The following STXBP5L variants were observed in gnomAD, a reference collection of about 807,000 sequenced individuals.
STXBP5L encodes syntaxin-binding protein 5-like.
STXBP5L carries 65 observed loss-of-function variants against 144.5 expected under a neutral mutation model. The ratio of observed to expected loss-of-function variants is 0.45; its 90% CI spans 0.37 to 0.55. The LOEUF is 0.55. Among genes scored for constraint, STXBP5L ranks in the 20% least tolerant of loss-of-function variants. STXBP5L has a pLI of 0.00. For synonymous variants in STXBP5L, 505 were observed against 469.6 expected (o/e 1.08, Z -0.97); for missense variants, 1,298 against 1,405.5 (o/e 0.92, Z 1.22).
chr3:121,210,911 C>G (rs113415162), intron 10 of STXBP5L, among the ~76,000 whole-genome samples: 59 of 152,118 alleles, frequency 3.9e-4, no homozygotes, highest in African/African-American at 1.4e-3. Context: ...CTTGGCAATA[C>G]GGGACCTTTT....
intron 9 of STXBP5L, among the ~76,000 whole-genome samples, chr3:121,174,439 A>G (rs950043706): frequency 1.3e-5 from 2 of 152,070 alleles, no homozygotes; most frequent in Non-Finnish European, 2.9e-5. Flanking sequence ...AACTTCCAAT[A>G]TACTTATAGA....
intron 19 of STXBP5L, among the ~76,000 whole-genome samples, chr3:121,311,193 C>T (rs375872490): frequency 6.6e-6 from 1 of 152,168 alleles, no homozygotes; most frequent in East Asian, 1.9e-4. Flanking sequence ...ACCAGAAGGA[C>T]TAAGATTTTA....
At chr3:120,947,292 A>G (rs753308671) in intron 2 of STXBP5L, among the ~76,000 whole-genome samples, 1 of 151,854 alleles carries the variant, frequency 6.6e-6, no homozygotes, top group Non-Finnish European at 1.5e-5. Context: ...ACTCTGTTCT[A>G]CATTTTCTTT....
chr3:121,299,319 C>T (rs908114116), intron 19 of STXBP5L, among the ~76,000 whole-genome samples: 1 of 151,898 alleles, frequency 6.6e-6, no homozygotes, highest in Non-Finnish European at 1.5e-5. Flanking sequence ...TCATAGAAAC[C>T]TTGAGGATAA....
intron 3 of STXBP5L, among the ~76,000 whole-genome samples, chr3:121,000,500 G>T (rs1324434099): frequency 2.0e-5 from 3 of 151,988 alleles, no homozygotes; most frequent in Admixed American, 6.6e-5. Flanking sequence ...TCATCTTTCT[G>T]CTCTTGAATT....
At chr3:121,372,839 G>A (rs760091055) in intron 20 of STXBP5L, among the ~76,000 whole-genome samples, 5 of 151,948 alleles carry the variant, frequency 3.3e-5, no homozygotes, top group Non-Finnish European at 7.4e-5. Context: ...AAATTAATTA[G>A]ACTAATTGCA....
chr3:121,314,420 C>T (rs1411990274), intron 19 of STXBP5L, among the ~76,000 whole-genome samples: 2 of 135,178 alleles, frequency 1.5e-5, no homozygotes, highest in Non-Finnish European at 3.2e-5. Flanking sequence ...AGTGAAACCC[C>T]GTCTCCACCA....
chr3:121,094,129 C>T (rs1354787603), intron 5 of STXBP5L, among the ~76,000 whole-genome samples: 1 of 152,070 alleles, frequency 6.6e-6, no homozygotes, highest in Non-Finnish European at 1.5e-5. Context: ...GCACTGTGGT[C>T]TGAGAGACAG....
chr3:121,349,348 T>G (rs1480020459), intron 20 of STXBP5L, among the ~76,000 whole-genome samples: 1 of 152,042 alleles, frequency 6.6e-6, no homozygotes, highest in Non-Finnish European at 1.5e-5. Context: ...TCTGTTCTTT[T>G]ACATTTGCTG....
intron 13 of STXBP5L, 27 bp from the exon 14 acceptor site, chr3:121,240,413 T>C (rs779613416): frequency 6.9e-6 from 11 of 1,604,512 alleles, no homozygotes; most frequent in Middle Eastern, 1.7e-4. Flanking sequence ...AACATGTATA[T>C]ATATTCTTTC....
chr3:121,084,993 T>G (rs2042421179), intron 5 of STXBP5L, among the ~76,000 whole-genome samples: 1 of 150,906 alleles, frequency 6.6e-6, no homozygotes, highest in African/African-American at 2.5e-5. Flanking sequence ...TTCATGTGTT[T>G]GTCAACCGCA....
intron 10 of STXBP5L, among the ~76,000 whole-genome samples, chr3:121,211,473 G>A (rs1163507928): frequency 2.6e-5 from 4 of 152,022 alleles, no homozygotes; most frequent in Non-Finnish European, 5.9e-5. Context: ...TGTTGAATAG[G>A]AGTGGTGAGA....
chr3:120,984,348 G>T (rs1305127059), intron 3 of STXBP5L, among the ~76,000 whole-genome samples: 1 of 152,140 alleles, frequency 6.6e-6, no homozygotes, highest in Non-Finnish European at 1.5e-5. Context: ...GAGTTCTGGT[G>T]AACTCAGGAT....
intron 5 of STXBP5L, among the ~76,000 whole-genome samples, chr3:121,094,435 G>C (rs917498108): frequency 1.4e-4 from 22 of 152,138 alleles, no homozygotes; most frequent in African/African-American, 3.9e-4. Context: ...CTCAGGACTT[G>C]CTTTATGAGT....
At chr3:121,179,916 A>G (rs1384507589) in intron 9 of STXBP5L, among the ~76,000 whole-genome samples, 1 of 152,178 alleles carries the variant, frequency 6.6e-6, no homozygotes, top group Admixed American at 6.5e-5. Context: ...AGATGAACCA[A>G]GTCTCCAAGA....
chr3:120,946,327 C>A (rs1256254560), intron 2 of STXBP5L, among the ~76,000 whole-genome samples: 3 of 151,766 alleles, frequency 2.0e-5, no homozygotes, highest in African/African-American at 7.2e-5. Context: ...CCATCCTCAA[C>A]ATATGGCTTC....
At chr3:121,346,585 C>A (rs1487363771) in intron 20 of STXBP5L, among the ~76,000 whole-genome samples, 1 of 152,104 alleles carries the variant, frequency 6.6e-6, no homozygotes, top group Non-Finnish European at 1.5e-5. Context: ...AAAAGTGTTC[C>A]TACTTCTCCA....
At chr3:121,391,840 C>T (rs937603039) in intron 22 of STXBP5L, among the ~76,000 whole-genome samples, 3 of 152,164 alleles carry the variant, frequency 2.0e-5, no homozygotes, top group South Asian at 2.1e-4. Context: ...AGGTGTCTTC[C>T]AGTTAGTCTA....
intron 18 of STXBP5L, among the ~76,000 whole-genome samples, chr3:121,278,214 G>T (rs2050944220): frequency 6.6e-6 from 1 of 152,016 alleles, no homozygotes; most frequent in East Asian, 1.9e-4. Context: ...TACCTTGGTT[G>T]CTATCCTTCT....
Sources: gnomAD v4.1 joint callset for allele counts (sites outside exome capture counted in the v4.1 genomes callset) on GRCh38, gnomAD v4.1.1 for gene constraint, MANE v1.5 for transcripts, NCBI Gene and HGNC (gene_info 2026-07-23, HGNC 2026-07-21) for gene names.